CDK18: variants seen among roughly 807,000 people sequenced by gnomAD.
CDK18 encodes cyclin-dependent kinase 18.
A neutral mutation model predicts 62.0 loss-of-function variants in CDK18; 52 were observed. The observed-to-expected ratio is 0.84, with a 90% confidence interval of 0.67 to 1.06. CDK18 has a LOEUF of 1.06. CDK18 is among the 50% of genes least tolerant of loss of function. The pLI is 0.00. For synonymous variants in CDK18, 237 were observed against 247.0 expected, an observed-to-expected ratio of 0.96 and a Z score of 0.38; for missense variants, 604 against 619.9, an observed-to-expected ratio of 0.97 and a Z score of 0.27.
chr1:205,531,384 G>A lies in CDK18; in HGVS notation c.*6G>A, dbSNP rs770439411. ...GGCGGCAGAGCATCTTCTGAGCCACGCCCACCTTGCTGTGGCCAAGGGACA... is the reference window on the plus strand; with the variant it reads ...GGCGGCAGAGCATCTTCTGAGCCACACCCACCTTGCTGTGGCCAAGGGACA... On this transcript the variant is annotated 3_prime_UTR_variant, in exon 16 of 16. Coordinates refer to ENST00000429964, the MANE Select transcript of CDK18 (RefSeq NM_212502.3). 16 of 1,613,534 alleles carry A rather than the reference G, an allele frequency of 9.9e-6. No individual in the cohort carries two copies. Among genetic ancestry groups the A allele is most frequent in the Middle Eastern group, 1.6e-4 (1 of 6,062 alleles).
At chr1:205,529,599 G>A in intron 13 of CDK18, 36 bp downstream of exon 13, 4 of 1,613,330 alleles carry the variant, frequency 2.5e-6, no homozygotes, top group East Asian at 2.2e-5. Flanking sequence ...GGGAGAGGCA[G>A]CCAAAGAGCC....
intron 1 of CDK18, among the ~76,000 whole-genome samples, chr1:205,514,821 CTAGT>C (rs1337424790): frequency 6.6e-6 from 1 of 152,164 alleles, no homozygotes; most frequent in Non-Finnish European, 1.5e-5. Context: ...ATCTCACAGT[CTAGT>C]TATGAGTGTG....
Position 205,529,047 on chromosome 1 carries a change from C to T in CDK18, c.1023C>T (p.Phe341=), listed in dbSNP as rs1332701099. ...AGATGGCCACAGGGAGGCCCCTCTT[C>T]CCGGGCTCCACAGTCAAGGAGGAGC... ...HYEMATGRPL[F]PGSTVKEELH... is the part of the protein sequence containing the mutation. Residue 341 remains phenylalanine (F), a synonymous_variant, in exon 11 of 16, where the codon TTC becomes TTT. Transcript: ENST00000429964. The T allele has an allele frequency of 6.3e-7, 1 of 1,597,100 alleles. No homozygotes were observed. The highest frequency in any genetic ancestry group is 8.5e-7 in the Non-Finnish European group (1 of 1,172,422).
chr1:205,514,625 G>A lies in CDK18; in HGVS notation c.-21-8522G>A, dbSNP rs147921750. ...CTAAGATACAGTCTTTGTCCTTGAG[G>A]GATCTAATGTTTCCATATCTGTAGA... is the stretch of plus-strand genomic sequence containing the variant. On this transcript the variant is annotated intron_variant, in intron 1 of 15. Coordinates refer to ENST00000429964, the MANE Select transcript of CDK18 (RefSeq NM_212502.3). 2.0e-5 allele frequency among the ~76,000 whole-genome samples: 3 copies of A among 152,292 alleles called. No individual in the cohort carries two copies. In the East Asian group the frequency reaches 5.8e-4, roughly 29 times the overall value.
intron 4 of CDK18, among the ~76,000 whole-genome samples, chr1:205,524,764 C>T (rs1668336728): frequency 6.6e-6 from 1 of 152,182 alleles, no homozygotes; most frequent in Non-Finnish European, 1.5e-5. Flanking sequence ...GTTGGATACA[C>T]CTGAGCTAGA....
At chr1:205,525,869 G>A (rs973432890) in intron 5 of CDK18, among the ~76,000 whole-genome samples, 196 bp from the exon 6 acceptor site, 1 of 152,166 alleles carries the variant, frequency 6.6e-6, no homozygotes, top group Non-Finnish European at 1.5e-5. Context: ...GAGGAAGGAC[G>A]GATTCACTCC....
rs1321895029 is a variant in CDK18, at chr1:205,517,113, C to G, written c.-21-6034C>G. ...TCTGCCCTGTCTGGACACTGGGGCC[C>G]TGGGGCTGGCCTGGCCTGCTCTGTG... On this transcript the variant is annotated intron_variant, in intron 1 of 15. Coordinates refer to ENST00000429964, the MANE Select transcript of CDK18 (RefSeq NM_212502.3). This position sits in a 1 kb window ranked among gnomAD's most constrained non-coding sequence, Gnocchi z 4.1. 1 of 152,472 alleles carries G rather than the reference C, an allele frequency of 6.6e-6. No homozygotes were observed. The highest frequency in any genetic ancestry group is 1.5e-5 in the Non-Finnish European group (1 of 68,260). 9.4% of individuals were successfully genotyped at this position (152,472 alleles called of 1,614,324 possible).
At chr1:205,523,881 C>T (rs562805270) in intron 3 of CDK18, among the ~76,000 whole-genome samples, 1 of 152,182 alleles carries the variant, frequency 6.6e-6, no homozygotes, top group Non-Finnish European at 1.5e-5. Flanking sequence ...AAGGGCTAGA[C>T]AATTTGACTA....
In CDK18 at chr1:205,516,257, C is replaced by G. The variant is rs1667811199; in HGVS notation, c.-21-6890C>G. Among the ~76,000 whole-genome samples the G allele has an allele frequency of 6.6e-6, 1 of 152,182 alleles. No individual in the cohort carries two copies. The highest frequency in any genetic ancestry group is 6.5e-5 in the Admixed American group (1 of 15,284). On this transcript the variant is annotated intron_variant, in intron 1 of 15. Transcript: ENST00000429964. The surrounding 1 kb of genome is among the most constrained non-coding windows in gnomAD (Gnocchi z 4.8). ...GGTCCTAGCTCATGACGTCTGCAAA[C>G]TTGGTCAGCCATGGCCTCTAGTTCT...
At chr1:205,521,357 G>T (rs1178795979) in intron 1 of CDK18, among the ~76,000 whole-genome samples, 1 of 152,170 alleles carries the variant, frequency 6.6e-6, no homozygotes, top group Non-Finnish European at 1.5e-5. Flanking sequence ...GATCACAGGT[G>T]CACACCACCA....
intron 1 of CDK18, among the ~76,000 whole-genome samples, chr1:205,505,955 AC>A (rs1410288004): frequency 6.6e-6 from 1 of 152,006 alleles, no homozygotes; most frequent in Non-Finnish European, 1.5e-5. Flanking sequence ...CCTGTGACTC[AC>A]TAACACCACC....
At chr1:205,518,835 A>G (rs566687626) in intron 1 of CDK18, among the ~76,000 whole-genome samples, 2 of 152,036 alleles carry the variant, frequency 1.3e-5, no homozygotes, top group Non-Finnish European at 2.9e-5. Flanking sequence ...CACCAGCAGG[A>G]GGTTCTGGGC....
intron 14 of CDK18, 130 bp downstream of exon 14, chr1:205,530,479 T>C: frequency 8.3e-7 from 1 of 1,211,658 alleles, no homozygotes; most frequent in Non-Finnish European, 1.2e-6. Flanking sequence ...GCACCTTGCC[T>C]CCCCTGCTGG....
chr1:205,521,336 C>G (rs1039819049), intron 1 of CDK18, among the ~76,000 whole-genome samples: 2 of 152,366 alleles, frequency 1.3e-5, no homozygotes, highest in Non-Finnish European at 2.9e-5. Context: ...TTCAGCCTCC[C>G]AAGTAACTGG....
Position 205,525,202 on chromosome 1 carries a change from C to G in CDK18, c.456+7C>G. 1 of 1,607,180 alleles carries G rather than the reference C, an allele frequency of 6.2e-7. No individual in the cohort carries two copies. The highest frequency in any genetic ancestry group is 8.5e-7 in the Non-Finnish European group (1 of 1,174,740). On this transcript the variant is annotated splice_region_variant and intron_variant, in intron 5 of 15. Transcript: ENST00000429964. ...ACTGGACAAACTGGGAGAGGTAAGA[C>G]GCTGGGTTTGGTCTTCTCCGAATAG...
At chr1:205,507,699 T>C (rs866374161) in intron 1 of CDK18, among the ~76,000 whole-genome samples, 3 of 135,882 alleles carry the variant, frequency 2.2e-5, no homozygotes, top group Middle Eastern at 4.3e-3. Flanking sequence ...AGAGACTAAA[T>C]AACTGGTAGC....
chr1:205,513,808 ATTCC>A (rs1163587973), intron 1 of CDK18, among the ~76,000 whole-genome samples: 2 of 152,198 alleles, frequency 1.3e-5, no homozygotes, highest in African/African-American at 4.8e-5. Context: ...GGTTCTTCTC[ATTCC>A]AGTCCACCCC....
At position 205,527,368 on chromosome 1, in the gene CDK18, G is replaced by T; in HGVS notation, c.730-426G>T. On this transcript the variant is annotated intron_variant, in intron 8 of 15. Transcript: ENST00000429964. This position sits in a 1 kb window ranked among gnomAD's most constrained non-coding sequence, Gnocchi z 4.1. Reference sequence around the variant, plus strand: ...GTAGCGTGCACCCATAGTCCCAGCTGCTTGAGAGGCTGAGGCAGGAGGGCC... The same window carrying T: ...GTAGCGTGCACCCATAGTCCCAGCTTCTTGAGAGGCTGAGGCAGGAGGGCC... 4.6e-6 allele frequency: 1 copy of T among 215,214 alleles called. No homozygotes were observed. The highest frequency in any genetic ancestry group is 9.3e-6 in the Non-Finnish European group (1 of 107,066). The allele number at this position is 215,214 out of a possible 1,614,324, so 13.3% of individuals were successfully genotyped here.
chr1:205,527,037 T>C lies in CDK18; in HGVS notation c.729+200T>C, dbSNP rs1668471991. The C allele has an allele frequency of 8.5e-6, 5 of 588,236 alleles. No homozygotes were observed. Among genetic ancestry groups the C allele is most frequent in the Middle Eastern group, 4.4e-4 (1 of 2,252 alleles). The allele number at this position is 588,236 out of a possible 1,614,324, so 36.4% of individuals were successfully genotyped here. On this transcript the variant is annotated intron_variant, in intron 8 of 15. Coordinates refer to ENST00000429964, the MANE Select transcript of CDK18 (RefSeq NM_212502.3). The surrounding 1 kb of genome is among the most constrained non-coding windows in gnomAD (Gnocchi z 4.1). ...TTACCCCAAGAACAGACACACACTGTCTGCCACTGTCTAGCTGTTGGTATA... is the reference window on the plus strand; with the variant it reads ...TTACCCCAAGAACAGACACACACTGCCTGCCACTGTCTAGCTGTTGGTATA...
Sources: gnomAD v4.1 joint callset for allele counts (sites outside exome capture counted in the v4.1 genomes callset) on GRCh38, gnomAD v4.1.1 for gene constraint, Gnocchi (gnomAD v3.1) non-coding constraint, MANE v1.5 for transcripts, NCBI Gene and HGNC (gene_info 2026-07-23, HGNC 2026-07-21) for gene names.